The following CNTNAP2 variants were observed in gnomAD, a reference collection of about 807,000 sequenced individuals.
The protein encoded by CNTNAP2 is contactin-associated protein-like 2.
In CNTNAP2, 98 loss-of-function variants were observed where a neutral mutation model predicts 155.2. That is an observed-to-expected ratio of 0.63 (90% CI 0.54 to 0.75). CNTNAP2 has a LOEUF of 0.75. Among genes scored for constraint, CNTNAP2 ranks in the 30% least tolerant of loss-of-function variants. CNTNAP2 has a pLI of 0.00. For missense variants in CNTNAP2, 1,727 were observed against 1,688.1 expected (o/e 1.02, Z -0.40); for synonymous variants, 651 against 631.2 (o/e 1.03, Z -0.47).
intron 4 of CNTNAP2, among the ~76,000 whole-genome samples, chr7:147,104,216 CAA>C (rs1360014713): frequency 6.6e-6 from 1 of 151,720 alleles, no homozygotes; most frequent in Non-Finnish European, 1.5e-5. Flanking sequence ...AAAATTTTTC[CAA>C]AATAAAAAGT....
intron 3 of CNTNAP2, among the ~76,000 whole-genome samples, chr7:146,931,558 CTA>C (rs1427435404): frequency 6.6e-5 from 10 of 150,732 alleles, no homozygotes; most frequent in Non-Finnish European, 1.3e-4. Context: ...CATTCAAAAG[CTA>C]GCAGAAGGCA....
At chr7:147,465,256 C>T (rs184983186) in intron 10 of CNTNAP2, among the ~76,000 whole-genome samples, 2 of 152,278 alleles carry the variant, frequency 1.3e-5, no homozygotes, top group Non-Finnish European at 2.9e-5. Context: ...CAAACCTCAG[C>T]ATTACACAAT....
intron 8 of CNTNAP2, among the ~76,000 whole-genome samples, chr7:147,222,816 T>TG (rs1205813346): frequency 5.4e-5 from 8 of 148,754 alleles, no homozygotes; most frequent in Non-Finnish European, 1.0e-4. Context: ...TCAGGGTTTT[T>TG]TTTTTTTTTT....
intron 9 of CNTNAP2, among the ~76,000 whole-genome samples, chr7:147,307,889 T>C (rs1025479504): frequency 6.6e-6 from 1 of 152,186 alleles, no homozygotes; most frequent in Non-Finnish European, 1.5e-5. Context: ...TCTGAAAACC[T>C]GGCATTATTG....
At position 148,187,786 on chromosome 7, in the gene CNTNAP2, A is replaced by G. The variant is rs189922020; in HGVS notation, c.3010+15308A>G. Among the ~76,000 whole-genome samples, 267 of 152,336 alleles carry G rather than the reference A, an allele frequency of 1.8e-3. 1 individual carries two copies. Among genetic ancestry groups the G allele is most frequent in the African/African-American group, 6.2e-3 (256 of 41,586 alleles). ...CTAGCCAAAGGATAATGTAAAAATT[A>G]TGACACAAATAAAATATTTATCCTC... On this transcript the variant is annotated intron_variant, in intron 18 of 23. Coordinates refer to ENST00000361727, the MANE Select transcript of CNTNAP2 (RefSeq NM_014141.6).
At chr7:147,827,489 A>G (rs765981354) in intron 13 of CNTNAP2, among the ~76,000 whole-genome samples, 1 of 152,224 alleles carries the variant, frequency 6.6e-6, no homozygotes, top group African/African-American at 2.4e-5. Flanking sequence ...ATTTTGCTCT[A>G]AATAGTGTGG....
intron 8 of CNTNAP2, among the ~76,000 whole-genome samples, chr7:147,266,195 G>C (rs972713095): frequency 6.6e-6 from 1 of 152,166 alleles, no homozygotes; most frequent in African/African-American, 2.4e-5. Flanking sequence ...TTGAGCTAAA[G>C]AAGCATGTTC....
intron 1 of CNTNAP2, among the ~76,000 whole-genome samples, chr7:146,505,003 G>T (rs1197664766): frequency 6.6e-6 from 1 of 152,142 alleles, no homozygotes; most frequent in East Asian, 1.9e-4. Context: ...CCTGTGTTAG[G>T]GGCACCTTGT....
chr7:146,677,009 A>T (rs1439474812), intron 1 of CNTNAP2, among the ~76,000 whole-genome samples: 1 of 152,186 alleles, frequency 6.6e-6, no homozygotes, highest in Non-Finnish European at 1.5e-5. Context: ...AAGGTTAAGG[A>T]CATGCCCATC....
intron 11 of CNTNAP2, among the ~76,000 whole-genome samples, chr7:147,528,077 T>C (rs193300156): frequency 4.6e-5 from 7 of 152,312 alleles, no homozygotes; most frequent in African/African-American, 4.8e-5. Flanking sequence ...TCTAAGGATA[T>C]TGACTTTCAC....
chr7:147,589,297 G>A (rs149408989), intron 12 of CNTNAP2, among the ~76,000 whole-genome samples: 125 of 152,192 alleles, frequency 8.2e-4, no homozygotes, highest in African/African-American at 2.6e-3. Context: ...ACCTTTGCAT[G>A]CACAAAGTTC....
At chr7:146,438,941 T>A (rs1324201958) in intron 1 of CNTNAP2, among the ~76,000 whole-genome samples, 1 of 151,642 alleles carries the variant, frequency 6.6e-6, no homozygotes, top group East Asian at 1.9e-4. Context: ...AAATCATTTC[T>A]ATTCTTCAGG....
chr7:147,027,099 T>C (rs1471532440), intron 3 of CNTNAP2, among the ~76,000 whole-genome samples: 2 of 152,048 alleles, frequency 1.3e-5, no homozygotes, highest in South Asian at 2.1e-4. Flanking sequence ...TTATCTTCAA[T>C]GTGTGCTCTA....
chr7:147,026,417 A>G (rs1260673750), intron 3 of CNTNAP2, among the ~76,000 whole-genome samples: 3 of 152,174 alleles, frequency 2.0e-5, no homozygotes, highest in Non-Finnish European at 4.4e-5. Context: ...AAATAAATGA[A>G]AAACATGAAT....
chr7:146,824,613 T>C (rs970189780), intron 2 of CNTNAP2, among the ~76,000 whole-genome samples: 2 of 152,208 alleles, frequency 1.3e-5, no homozygotes, highest in Non-Finnish European at 2.9e-5. Context: ...CACTGTGGTT[T>C]TGATTTTCAT....
intron 15 of CNTNAP2, among the ~76,000 whole-genome samples, chr7:148,082,122 G>T (rs182177658): frequency 1.3e-5 from 2 of 152,232 alleles, no homozygotes; most frequent in East Asian, 3.9e-4. Flanking sequence ...TTAAAGAAGG[G>T]CATTGCAGTA....
chr7:146,155,412 TG>T, intron 1 of CNTNAP2, among the ~76,000 whole-genome samples: 1 of 152,192 alleles, frequency 6.6e-6, no homozygotes, highest in East Asian at 1.9e-4. Context: ...TTCTAGAAAC[TG>T]GGGGATCTTT....
At chr7:146,734,499 AG>A (rs1801578431) in intron 1 of CNTNAP2, among the ~76,000 whole-genome samples, 1 of 137,516 alleles carries the variant, frequency 7.3e-6, no homozygotes, top group Non-Finnish European at 1.6e-5. Flanking sequence ...ATTATCACAC[AG>A]AAAATTATCT....
intron 21 of CNTNAP2, among the ~76,000 whole-genome samples, chr7:148,317,368 T>A (rs950384243): frequency 3.4e-5 from 5 of 147,710 alleles, no homozygotes; most frequent in African/African-American, 1.2e-4. Flanking sequence ...AAAAAAAAAA[T>A]TCATGGTATT....
Sources: gnomAD v4.1 joint callset for allele counts (sites outside exome capture counted in the v4.1 genomes callset) on GRCh38, gnomAD v4.1.1 for gene constraint, MANE v1.5 for transcripts, NCBI Gene and HGNC (gene_info 2026-07-23, HGNC 2026-07-21) for gene names.